GPC5: variants seen among roughly 807,000 people sequenced by gnomAD.
GPC5 encodes glypican-5.
Under a neutral mutation model 53.9 loss-of-function variants are expected in GPC5, and 47 were observed. The ratio of observed to expected loss-of-function variants is 0.87; its 90% CI spans 0.69 to 1.11. The LOEUF (loss-of-function observed/expected upper bound fraction) is 1.11. GPC5 is among the 50% of genes most tolerant of loss of function. GPC5 has a pLI of 0.00. For missense variants in GPC5, 748 were observed against 713.1 expected, an observed-to-expected ratio of 1.05 and a Z score of -0.56; for synonymous variants, 286 against 263.3, an observed-to-expected ratio of 1.09 and a Z score of -0.84.
At chr13:92,666,637 A>G (rs963887414) in intron 7 of GPC5, among the ~76,000 whole-genome samples, 3 of 152,208 alleles carry the variant, frequency 2.0e-5, no homozygotes, top group Non-Finnish European at 4.4e-5. Context: ...AGACTAGTGA[A>G]TTAAAATTTC....
chr13:92,747,737 G>T (rs886433321), intron 7 of GPC5, among the ~76,000 whole-genome samples: 1 of 152,144 alleles, frequency 6.6e-6, no homozygotes, highest in Non-Finnish European at 1.5e-5. Context: ...GATTCTCCCT[G>T]ATTAAATTGA....
chr13:91,986,061 C>CTTTTTT lies in GPC5; in HGVS notation c.1401+78021_1401+78026dup, dbSNP rs779259362. Among the ~76,000 whole-genome samples, 265 of 95,460 alleles carry CTTTTTT rather than the reference C, an allele frequency of 2.8e-3. 5 individuals carry two copies. The highest frequency in any genetic ancestry group is 4.9e-3 in the East Asian group (15 of 3,062). The allele number at this position is 95,460 out of a possible 152,430, so 62.6% of individuals were successfully genotyped here. A position where few individuals can be genotyped will look rare whatever the true frequency, so the allele number is the denominator to read the frequency against. ...ATTTTAAATTTATTCTTAGCCAATA[C>CTTTTTT]TTTTTTTTTTTTTTTTTTTTTTGAG... On this transcript the variant is annotated intron_variant, in intron 6 of 7. Coordinates refer to ENST00000377067, the MANE Select transcript of GPC5 (RefSeq NM_004466.6).
chr13:92,197,950 T>A (rs1247655434), intron 7 of GPC5, among the ~76,000 whole-genome samples: 3 of 152,148 alleles, frequency 2.0e-5, no homozygotes, highest in African/African-American at 7.2e-5. Flanking sequence ...TGGGCCTTCT[T>A]TTGATTCCCA....
At chr13:92,400,432 A>G (rs1399650584) in intron 7 of GPC5, among the ~76,000 whole-genome samples, 1 of 152,204 alleles carries the variant, frequency 6.6e-6, no homozygotes, top group Non-Finnish European at 1.5e-5. Context: ...CTCATTATTT[A>G]TGCTTATCCG....
chr13:92,161,959 A>ATG (rs2041991711), intron 7 of GPC5, among the ~76,000 whole-genome samples: 1 of 25,000 alleles, frequency 4.0e-5, no homozygotes, highest in African/African-American at 1.9e-4. Context: ...ATATAGCCAT[A>ATG]TATATATATA....
At chr13:92,467,795 C>A (rs1878755853) in intron 7 of GPC5, among the ~76,000 whole-genome samples, 1 of 151,926 alleles carries the variant, frequency 6.6e-6, no homozygotes, top group Admixed American at 6.6e-5. Flanking sequence ...AAATTCCCTC[C>A]CCGAAAAAAC....
chr13:91,417,890 C>T (rs1263771531), intron 1 of GPC5, among the ~76,000 whole-genome samples: 1 of 152,130 alleles, frequency 6.6e-6, no homozygotes, highest in Non-Finnish European at 1.5e-5. Flanking sequence ...ATACTTTTCA[C>T]ACATCTTATG....
At chr13:92,415,678 A>AT (rs973791576) in intron 7 of GPC5, among the ~76,000 whole-genome samples, 3 of 144,636 alleles carry the variant, frequency 2.1e-5, no homozygotes, top group African/African-American at 7.5e-5. Flanking sequence ...GCTGGAGGTA[A>AT]AAAAAAAAAA....
intron 6 of GPC5, among the ~76,000 whole-genome samples, chr13:91,908,548 T>A (rs1428642560): frequency 6.6e-6 from 1 of 152,166 alleles, no homozygotes; most frequent in Non-Finnish European, 1.5e-5. Context: ...ATAATCTAGC[T>A]AATGGTTGTT....
intron 7 of GPC5, among the ~76,000 whole-genome samples, chr13:92,364,273 C>T (rs12868141): frequency 0.01 from 1,528 of 151,820 alleles, 30 homozygotes; most frequent in Middle Eastern, 0.048. Flanking sequence ...TCTGAAGAAA[C>T]GCTAGAAATA....
chr13:91,438,470 A>G (rs917393419), intron 1 of GPC5, among the ~76,000 whole-genome samples: 3 of 152,212 alleles, frequency 2.0e-5, no homozygotes, highest in Non-Finnish European at 4.4e-5. Flanking sequence ...AGGCTGCAGA[A>G]CAGCGGATAT....
chr13:92,263,273 TA>T (rs1258270539), intron 7 of GPC5, among the ~76,000 whole-genome samples: 1 of 152,182 alleles, frequency 6.6e-6, no homozygotes, highest in Non-Finnish European at 1.5e-5. Context: ...GGATACTGTT[TA>T]AATATTTACA....
intron 7 of GPC5, among the ~76,000 whole-genome samples, chr13:92,558,372 G>A (rs1882573715): frequency 6.6e-6 from 1 of 152,010 alleles, no homozygotes; most frequent in Non-Finnish European, 1.5e-5. Flanking sequence ...ACATATCTCA[G>A]AGATAGTTAT....
intron 7 of GPC5, among the ~76,000 whole-genome samples, chr13:92,710,943 G>A (rs1215539147): frequency 6.6e-6 from 1 of 152,072 alleles, no homozygotes; most frequent in East Asian, 1.9e-4. Context: ...TTATTCTGTT[G>A]TTTTGAAATT....
At chr13:91,687,119 C>A (rs961914606) in intron 2 of GPC5, among the ~76,000 whole-genome samples, 2 of 151,744 alleles carry the variant, frequency 1.3e-5, no homozygotes, top group Non-Finnish European at 2.9e-5. Flanking sequence ...ACATGTCATG[C>A]CAGAGAGGTT....
intron 7 of GPC5, among the ~76,000 whole-genome samples, chr13:92,609,179 C>T (rs546815856): frequency 8.6e-5 from 13 of 151,812 alleles, no homozygotes; most frequent in African/African-American, 2.4e-4. Flanking sequence ...AACTTGGGTA[C>T]GAAGGAATGT....
At chr13:92,840,697 T>C (rs995471651) in intron 7 of GPC5, among the ~76,000 whole-genome samples, 5 of 152,112 alleles carry the variant, frequency 3.3e-5, no homozygotes, top group Non-Finnish European at 7.4e-5. Context: ...TTGGGTAGTA[T>C]GGATATTTTG....
intron 5 of GPC5, among the ~76,000 whole-genome samples, chr13:91,780,341 T>G (rs928055711): frequency 2.0e-5 from 3 of 152,210 alleles, no homozygotes; most frequent in Non-Finnish European, 4.4e-5. Flanking sequence ...CTATTTCTCA[T>G]TTAGCACCTA....
chr13:92,327,883 C>T (rs2043262855), intron 7 of GPC5, among the ~76,000 whole-genome samples: 1 of 152,138 alleles, frequency 6.6e-6, no homozygotes, highest in Non-Finnish European at 1.5e-5. Flanking sequence ...AACAGTGCAA[C>T]TTCTTATATG....
Sources: gnomAD v4.1 joint callset for allele counts (sites outside exome capture counted in the v4.1 genomes callset) on GRCh38, gnomAD v4.1.1 for gene constraint, MANE v1.5 for transcripts, NCBI Gene and HGNC (gene_info 2026-07-23, HGNC 2026-07-21) for gene names.